The following CNTNAP2 variants were observed in gnomAD, a reference collection of about 807,000 sequenced individuals.
The protein encoded by CNTNAP2 is contactin associated protein 2.
A neutral mutation model predicts 155.2 loss-of-function variants in CNTNAP2; 98 were observed. The observed-to-expected ratio is 0.63, with a 90% CI of 0.54 to 0.75. CNTNAP2 has a LOEUF of 0.75. CNTNAP2 is among the 30% of genes least tolerant of loss of function. CNTNAP2 has a pLI of 0.00. For synonymous variants in CNTNAP2, 651 were observed against 631.2 expected (o/e 1.03, Z -0.47); for missense variants, 1,727 against 1,688.1 (o/e 1.02, Z -0.40).
chr7:146,198,847 G>C (rs1015533537), intron 1 of CNTNAP2, among the ~76,000 whole-genome samples: 2 of 151,978 alleles, frequency 1.3e-5, no homozygotes, highest in Admixed American at 6.6e-5. Flanking sequence ...AACATGTTTA[G>C]TGAGAATAAT....
intron 15 of CNTNAP2, among the ~76,000 whole-genome samples, chr7:148,022,916 C>T (rs757648111): frequency 6.6e-6 from 1 of 152,044 alleles, no homozygotes; most frequent in Non-Finnish European, 1.5e-5. Flanking sequence ...AAAACAGACG[C>T]CCCTGAAGTG....
intron 10 of CNTNAP2, among the ~76,000 whole-genome samples, chr7:147,485,530 C>G (rs750947776): frequency 1.3e-5 from 2 of 152,154 alleles, no homozygotes; most frequent in Non-Finnish European, 2.9e-5. Context: ...CTTGATGATA[C>G]CCCTCTTTAC....
intron 9 of CNTNAP2, among the ~76,000 whole-genome samples, chr7:147,366,153 T>C (rs1796226089): frequency 6.6e-6 from 1 of 152,178 alleles, no homozygotes; most frequent in South Asian, 2.1e-4. Context: ...CTGTTCTTTG[T>C]AGATATTATA....
chr7:147,419,304 TC>T (rs1481148170), intron 10 of CNTNAP2, among the ~76,000 whole-genome samples: 3 of 152,074 alleles, frequency 2.0e-5, no homozygotes, highest in African/African-American at 7.2e-5. Flanking sequence ...ACCACAGGAG[TC>T]CCTGCTTGCC....
intron 1 of CNTNAP2, among the ~76,000 whole-genome samples, chr7:146,273,489 G>A (rs952165527): frequency 2.6e-5 from 4 of 152,036 alleles, no homozygotes; most frequent in African/African-American, 9.7e-5. Flanking sequence ...CACAAAATCA[G>A]CCATGGATTA....
chr7:146,151,185 C>T (rs1271710451), intron 1 of CNTNAP2, among the ~76,000 whole-genome samples: 6 of 152,006 alleles, frequency 3.9e-5, no homozygotes, highest in Non-Finnish European at 7.4e-5. Flanking sequence ...CCTCAACATC[C>T]GGGGATTACA....
intron 5 of CNTNAP2, among the ~76,000 whole-genome samples, chr7:147,108,952 A>G (rs1800822330): frequency 6.6e-6 from 1 of 152,192 alleles, no homozygotes; most frequent in African/African-American, 2.4e-5. Flanking sequence ...GCCGCCGTGC[A>G]TAAATGCTGT....
intron 1 of CNTNAP2, among the ~76,000 whole-genome samples, chr7:146,700,063 C>T (rs1800849270): frequency 6.6e-6 from 1 of 152,122 alleles, no homozygotes; most frequent in African/African-American, 2.4e-5. Flanking sequence ...TTTCTCCCAC[C>T]TTTAACTGAA....
chr7:146,309,551 C>T (rs987651947), intron 1 of CNTNAP2, among the ~76,000 whole-genome samples: 3 of 152,032 alleles, frequency 2.0e-5, no homozygotes, highest in African/African-American at 7.3e-5. Context: ...CATGTAATCC[C>T]AGCATTTTGG....
rs1367537490 is a variant in CNTNAP2 at position 148,366,823 on chromosome 7, C to A, written c.3476-16826C>A. Among the ~76,000 whole-genome samples, 3 of 151,704 alleles carry A rather than the reference C, an allele frequency of 2.0e-5. No individual in the cohort carries two copies. The East Asian group carries it at 5.8e-4, about 29-fold the overall frequency. On this transcript the variant is annotated intron_variant, in intron 21 of 23. Transcript: ENST00000361727. The stretch of plus-strand genomic sequence containing the variant: ...CCTGTCTAAGACAGAGGAAAATGAC[C>A]CCAAAAAAAAAAGGCAACTTCAGGC...
chr7:147,141,890 A>T (rs950682001), intron 8 of CNTNAP2, among the ~76,000 whole-genome samples: 2 of 152,160 alleles, frequency 1.3e-5, no homozygotes, highest in African/African-American at 4.8e-5. Context: ...CAATACAAGG[A>T]AGATAATTCA....
chr7:146,715,203 C>T (rs1801165906), intron 1 of CNTNAP2, among the ~76,000 whole-genome samples: 1 of 152,052 alleles, frequency 6.6e-6, no homozygotes, highest in African/African-American at 2.4e-5. Flanking sequence ...TGGTGGTGGG[C>T]ACCTATAATT....
chr7:146,871,224 T>G (rs1050226694), intron 3 of CNTNAP2, among the ~76,000 whole-genome samples: 1 of 152,024 alleles, frequency 6.6e-6, no homozygotes, highest in African/African-American at 2.4e-5. Context: ...CCAATTTTGT[T>G]TTTTCCTGTC....
At chr7:146,889,047 C>T (rs113137903) in intron 3 of CNTNAP2, among the ~76,000 whole-genome samples, 2,027 of 151,886 alleles carry the variant, frequency 0.013, 21 homozygotes, top group Non-Finnish European at 0.021. Context: ...TGGGAGGAAA[C>T]ATTGGGAACT....
At chr7:146,576,777 A>C (rs1798531897) in intron 1 of CNTNAP2, among the ~76,000 whole-genome samples, 2 of 152,274 alleles carry the variant, frequency 1.3e-5, no homozygotes, top group African/African-American at 4.8e-5. Flanking sequence ...ATTTTGTAAA[A>C]TAGTACATTC....
At chr7:146,862,167 C>T (rs767075722) in intron 3 of CNTNAP2, among the ~76,000 whole-genome samples, 1 of 152,108 alleles carries the variant, frequency 6.6e-6, no homozygotes, top group Non-Finnish European at 1.5e-5. Context: ...GTTATTCATT[C>T]TGATTAGAAT....
intron 8 of CNTNAP2, among the ~76,000 whole-genome samples, chr7:147,267,778 G>T (rs1229976742): frequency 1.3e-5 from 2 of 152,150 alleles, no homozygotes; most frequent in Non-Finnish European, 2.9e-5. Flanking sequence ...GATATGTGTT[G>T]AGTGTGTTTT....
chr7:146,543,124 C>T (rs1190486250), intron 1 of CNTNAP2, among the ~76,000 whole-genome samples: 1 of 151,764 alleles, frequency 6.6e-6, no homozygotes, highest in Non-Finnish European at 1.5e-5. Flanking sequence ...CCAAATGCAA[C>T]CATTGCACTA....
At chr7:147,305,863 G>C (rs956704936) in intron 9 of CNTNAP2, among the ~76,000 whole-genome samples, 4 of 152,134 alleles carry the variant, frequency 2.6e-5, no homozygotes, top group African/African-American at 9.7e-5. Flanking sequence ...GGCCCCAGGG[G>C]AGGATCCTTC....
Sources: allele counts gnomAD v4.1 joint callset (sites outside exome capture counted in the v4.1 genomes callset), GRCh38; gene constraint gnomAD v4.1.1; transcripts MANE v1.5; gene names NCBI Gene and HGNC (gene_info 2026-07-23, HGNC 2026-07-21).